The following DPT variants were observed in gnomAD, a reference collection of about 807,000 sequenced individuals.
DPT encodes dermatopontin, also known as tyrosine-rich acidic matrix protein.
A neutral mutation model predicts 31.2 loss-of-function variants in DPT; 21 were observed. The observed-to-expected ratio is 0.67, with a 90% CI of 0.48 to 0.97. The LOEUF (loss-of-function observed/expected upper bound fraction) is 0.97. Ranked by LOEUF, DPT falls within the 50% of genes least tolerant of loss-of-function variation. The pLI, the probability that DPT is intolerant of heterozygous loss-of-function variation, is 0.00. For synonymous variants in DPT, 91 were observed against 86.9 expected (o/e 1.05, Z -0.26); for missense variants, 262 against 258.8 (o/e 1.01, Z -0.08).
chr1:168,722,611 CTT>C (rs1650143550), intron 1 of DPT, among the ~76,000 whole-genome samples: 1 of 152,080 alleles, frequency 6.6e-6, no homozygotes, highest in African/African-American at 2.4e-5. Context: ...TATAAGGAAA[CTT>C]AGGTTTAGAG....
At chr1:168,716,101 A>G (rs1332669260) in intron 1 of DPT, among the ~76,000 whole-genome samples, 1 of 152,246 alleles carries the variant, frequency 6.6e-6, no homozygotes, top group Non-Finnish European at 1.5e-5. Flanking sequence ...GAACTTGCAG[A>G]TCTAACAAAA....
At chr1:168,711,161 C>A (rs1351705555) in intron 2 of DPT, among the ~76,000 whole-genome samples, 1 of 146,178 alleles carries the variant, frequency 6.8e-6, no homozygotes, top group Non-Finnish European at 1.5e-5. Flanking sequence ...CAGGTGCCTG[C>A]CACCAAGCCT....
intron 2 of DPT, among the ~76,000 whole-genome samples, chr1:168,707,374 C>G (rs1649745417): frequency 6.6e-6 from 1 of 152,082 alleles, no homozygotes; most frequent in Non-Finnish European, 1.5e-5. Flanking sequence ...ATGATTGCCT[C>G]TAGAATCTAT....
intron 1 of DPT, among the ~76,000 whole-genome samples, chr1:168,725,254 T>TTTCC (rs1557852197): frequency 2.9e-5 from 1 of 33,916 alleles, no homozygotes; most frequent in African/African-American, 1.7e-4. Context: ...CTTTCCTTTC[T>TTTCC]CTTTCCCTTC....
At chr1:168,725,645 C>A (rs1253840233) in intron 1 of DPT, among the ~76,000 whole-genome samples, 1 of 152,128 alleles carries the variant, frequency 6.6e-6, no homozygotes, top group Non-Finnish European at 1.5e-5. Context: ...CAGAGACCAT[C>A]ATCCAAACTT....
intron 2 of DPT, among the ~76,000 whole-genome samples, chr1:168,702,635 C>G (rs1006716558): frequency 4.2e-5 from 5 of 119,526 alleles, no homozygotes; most frequent in Admixed American, 9.6e-5. Flanking sequence ...TTTTTGAGAC[C>G]AAGTCTCACT....
chr1:168,724,673 G>C (rs909899530), intron 1 of DPT, among the ~76,000 whole-genome samples: 1 of 152,156 alleles, frequency 6.6e-6, no homozygotes, highest in Admixed American at 6.5e-5. Flanking sequence ...AGTGGGCCCT[G>C]TGAGTACTCA....
chr1:168,719,526 A>G (rs1183669900), intron 1 of DPT, among the ~76,000 whole-genome samples: 4 of 152,102 alleles, frequency 2.6e-5, no homozygotes, highest in Non-Finnish European at 4.4e-5. Context: ...GACTCACTTC[A>G]CAGCACCTGG....
At chr1:168,725,039 C>T (rs1352119227) in intron 1 of DPT, among the ~76,000 whole-genome samples, 1 of 152,222 alleles carries the variant, frequency 6.6e-6, no homozygotes, top group African/African-American at 2.4e-5. Flanking sequence ...ACATCAATTT[C>T]AGATTCACTA....
chr1:168,719,923 C>A (rs1650064600), intron 1 of DPT, among the ~76,000 whole-genome samples: 1 of 152,118 alleles, frequency 6.6e-6, no homozygotes, highest in Admixed American at 6.5e-5. Context: ...GGTAATTACT[C>A]CTCCTCTGAA....
At chr1:168,715,998 C>T (rs141904101) in intron 1 of DPT, among the ~76,000 whole-genome samples, 6 of 152,110 alleles carry the variant, frequency 3.9e-5, no homozygotes, top group Non-Finnish European at 5.9e-5. Flanking sequence ...AAGTAAGTAC[C>T]GTGTGCTGAC....
intron 1 of DPT, among the ~76,000 whole-genome samples, chr1:168,723,898 T>G (rs1005928653): frequency 1.3e-5 from 2 of 152,214 alleles, no homozygotes. Context: ...ACAAAATTCA[T>G]GTATACTCTT....
intron 2 of DPT, among the ~76,000 whole-genome samples, chr1:168,701,894 T>C (rs1305493105): frequency 6.6e-6 from 1 of 152,230 alleles, no homozygotes; most frequent in Non-Finnish European, 1.5e-5. Context: ...AAATGAGTGA[T>C]GAGTGTGCTA....
intron 1 of DPT, among the ~76,000 whole-genome samples, chr1:168,727,398 G>A (rs555392569): frequency 3.7e-4 from 57 of 152,226 alleles, no homozygotes; most frequent in African/African-American, 1.4e-3. Context: ...TCAATAAATG[G>A]TAGCTGTTGT....
In DPT at chr1:168,696,031, C is replaced by T; in HGVS notation, c.*518G>A. On this transcript the variant is annotated 3_prime_UTR_variant, in exon 4 of 4. Coordinates refer to ENST00000367817, the MANE Select transcript of DPT (RefSeq NM_001937.5). ...AGCAAAGAGCTCTGCACTTGGATTG[C>T]TAAGCATGCATGGCTCATGTGGAGC... 1 of 395,506 alleles carries T rather than the reference C, an allele frequency of 2.5e-6. No homozygotes were observed. The highest frequency in any genetic ancestry group is 4.5e-6 in the Non-Finnish European group (1 of 224,656). The allele number at this position is 395,506 out of a possible 1,614,324, so 24.5% of individuals were successfully genotyped here. A position where few individuals can be genotyped will look rare whatever the true frequency, so the allele number is the denominator to read the frequency against.
At chr1:168,725,115 TC>T (rs1222459793) in intron 1 of DPT, among the ~76,000 whole-genome samples, 2 of 152,252 alleles carry the variant, frequency 1.3e-5, no homozygotes, top group Non-Finnish European at 2.9e-5. Context: ...TTTAGAGTTT[TC>T]TTATACTTTA....
At chr1:168,719,102 T>G (rs993624561) in intron 1 of DPT, among the ~76,000 whole-genome samples, 1 of 152,146 alleles carries the variant, frequency 6.6e-6, no homozygotes, top group African/African-American at 2.4e-5. Flanking sequence ...ACCGAATGAG[T>G]GACCCGACTA....
chr1:168,720,196 C>A (rs1650071018), intron 1 of DPT, among the ~76,000 whole-genome samples: 2 of 152,024 alleles, frequency 1.3e-5, no homozygotes, highest in South Asian at 2.1e-4. Context: ...AAACTCTCGG[C>A]CAAGAGAGTA....
intron 1 of DPT, among the ~76,000 whole-genome samples, chr1:168,726,987 T>A (rs1198434893): frequency 1.3e-5 from 2 of 152,210 alleles, no homozygotes; most frequent in Non-Finnish European, 2.9e-5. Flanking sequence ...CCACCCCTTC[T>A]ACAGTCCGGC....
Sources: allele counts gnomAD v4.1 joint callset (sites outside exome capture counted in the v4.1 genomes callset), GRCh38; gene constraint gnomAD v4.1.1; transcripts MANE v1.5; gene names NCBI Gene and HGNC (gene_info 2026-07-23, HGNC 2026-07-21).